The following NSMCE2 variants were observed in gnomAD, a reference collection of about 807,000 sequenced individuals.
The protein encoded by NSMCE2 is E3 SUMO-protein ligase NSE2.
NSMCE2 carries 24 observed loss-of-function variants against 23.8 expected under a neutral mutation model. The observed-to-expected ratio is 1.01, with a 90% CI of 0.73 to 1.42. The LOEUF is 1.42. Ranked by LOEUF, NSMCE2 falls within the 40% of genes most tolerant of loss-of-function variation. NSMCE2 has a pLI of 0.00. For synonymous variants in NSMCE2, 92 were observed against 94.1 expected, an observed-to-expected ratio of 0.98 and a Z score of 0.13; for missense variants, 284 against 296.5, an observed-to-expected ratio of 0.96 and a Z score of 0.31.
chr8:125,166,559 G>A (rs963450683), intron 4 of NSMCE2, among the ~76,000 whole-genome samples: 5 of 152,168 alleles, frequency 3.3e-5, no homozygotes, highest in African/African-American at 9.7e-5. Flanking sequence ...GAGCCACCGC[G>A]CCTGGCCCTA....
At chr8:125,294,284 A>G (rs1828236544) in intron 5 of NSMCE2, among the ~76,000 whole-genome samples, 1 of 152,068 alleles carries the variant, frequency 6.6e-6, no homozygotes, top group Non-Finnish European at 1.5e-5. Context: ...TACAGTGGAC[A>G]TTTGTTTTTA....
chr8:125,095,558 A>C (rs1439141311), intron 1 of NSMCE2, among the ~76,000 whole-genome samples: 1 of 152,058 alleles, frequency 6.6e-6, no homozygotes, highest in Non-Finnish European at 1.5e-5. Flanking sequence ...ATGTCACTGC[A>C]CTCCAGCCTG....
intron 4 of NSMCE2, among the ~76,000 whole-genome samples, chr8:125,178,002 CCT>C (rs1293874402): frequency 6.6e-6 from 1 of 152,178 alleles, no homozygotes; most frequent in Non-Finnish European, 1.5e-5. Flanking sequence ...CTCTTGTCTT[CCT>C]CTCACAACAA....
At chr8:125,163,465 T>C (rs1821724553) in intron 4 of NSMCE2, among the ~76,000 whole-genome samples, 1 of 152,232 alleles carries the variant, frequency 6.6e-6, no homozygotes, top group Non-Finnish European at 1.5e-5. Flanking sequence ...ATCCATGTTC[T>C]ACCAGGCTGT....
Position 125,123,608 on chromosome 8 carries a change from A to G in NSMCE2, c.157+21121A>G, listed in dbSNP as rs1379526754. Among the ~76,000 whole-genome samples the G allele has an allele frequency of 2.0e-5, 3 of 151,950 alleles. 1 individual carries two copies. The highest frequency in any genetic ancestry group is 4.4e-5 in the Non-Finnish European group (3 of 67,956). On this transcript the variant is annotated intron_variant, in intron 3 of 7. Coordinates refer to ENST00000287437, the MANE Select transcript of NSMCE2 (RefSeq NM_173685.4). ...TGTGTACATGCGCACACGCACACAA[A>G]CACACACACACAAGTGTGCATCTTG... is the stretch of plus-strand genomic sequence containing the variant.
chr8:125,111,996 G>A (rs1429975722), intron 3 of NSMCE2, among the ~76,000 whole-genome samples: 1 of 152,032 alleles, frequency 6.6e-6, no homozygotes, highest in Non-Finnish European at 1.5e-5. Flanking sequence ...TTTTGACCTT[G>A]TTCCTGTCTT....
intron 5 of NSMCE2, among the ~76,000 whole-genome samples, chr8:125,186,443 G>A (rs1318153521): frequency 6.6e-6 from 1 of 151,946 alleles, no homozygotes; most frequent in Non-Finnish European, 1.5e-5. Context: ...TTTGTCTCAA[G>A]TACATTCAGA....
intron 4 of NSMCE2, among the ~76,000 whole-genome samples, chr8:125,168,431 T>C (rs1451755207): frequency 1.3e-5 from 2 of 152,226 alleles, no homozygotes; most frequent in Non-Finnish European, 2.9e-5. Context: ...TCATTTGGCC[T>C]ACTGTAATGG....
intron 7 of NSMCE2, 118 bp downstream of exon 7, chr8:125,357,936 G>A (rs890012416): frequency 3.5e-5 from 24 of 693,150 alleles, no homozygotes; most frequent in Non-Finnish European, 3.6e-5. Context: ...TTCACCTCCC[G>A]AATACTGTAA....
At chr8:125,188,139 G>A (rs185615411) in intron 5 of NSMCE2, among the ~76,000 whole-genome samples, 80 of 152,200 alleles carry the variant, frequency 5.3e-4, no homozygotes, top group African/African-American at 1.9e-3. Context: ...AGGAGGGAGC[G>A]GCCATTCACT....
rs1356753233 is a variant in NSMCE2 at position 125,129,572 on chromosome 8, G to C, written c.158-21599G>C. Among the ~76,000 whole-genome samples the C allele has an allele frequency of 3.3e-5, 5 of 151,752 alleles. No individual in the cohort carries two copies. The South Asian group carries it at 8.3e-4, about 25-fold the overall frequency. On this transcript the variant is annotated intron_variant, in intron 3 of 7. Transcript: ENST00000287437. ...TGTGTGTGTGTGTGTGTGTGTGTGT[G>C]TGTGTGTCTGTGTGTTTCATTGATA...
intron 5 of NSMCE2, among the ~76,000 whole-genome samples, chr8:125,314,159 A>G (rs561003941): frequency 6.6e-6 from 1 of 152,210 alleles, no homozygotes; most frequent in African/African-American, 2.4e-5. Flanking sequence ...GCTTAAGTGG[A>G]TATCTAAGCA....
intron 3 of NSMCE2, among the ~76,000 whole-genome samples, chr8:125,106,578 A>G (rs1231541762): frequency 6.6e-6 from 1 of 151,780 alleles, no homozygotes; most frequent in Non-Finnish European, 1.5e-5. Context: ...CTCAGGACTC[A>G]GGAGGCTGAG....
intron 5 of NSMCE2, among the ~76,000 whole-genome samples, chr8:125,273,342 T>C (rs1458872354): frequency 6.6e-6 from 1 of 152,232 alleles, no homozygotes; most frequent in East Asian, 1.9e-4. Context: ...CAGTAAACTT[T>C]TTATATTTGT....
chr8:125,133,826 G>C (rs1166592715), intron 3 of NSMCE2, among the ~76,000 whole-genome samples: 2 of 152,034 alleles, frequency 1.3e-5, no homozygotes, highest in Non-Finnish European at 2.9e-5. Context: ...AAATCAGAAA[G>C]AGTCTCAGAG....
At chr8:125,347,280 C>T (rs902249802) in intron 5 of NSMCE2, among the ~76,000 whole-genome samples, 6 of 152,152 alleles carry the variant, frequency 3.9e-5, no homozygotes, top group African/African-American at 1.4e-4. Context: ...TTTCCAGAGC[C>T]CATGTTCCTA....
intron 5 of NSMCE2, among the ~76,000 whole-genome samples, chr8:125,265,044 T>A (rs181536925): frequency 6.6e-6 from 1 of 152,130 alleles, no homozygotes; most frequent in East Asian, 1.9e-4. Flanking sequence ...TCAAGTAATA[T>A]TTTATGTAGT....
intron 5 of NSMCE2, among the ~76,000 whole-genome samples, chr8:125,314,719 A>T (rs1829109519): frequency 6.6e-6 from 1 of 152,184 alleles, no homozygotes; most frequent in African/African-American, 2.4e-5. Context: ...TTCTTTCTTG[A>T]TGTAAATACT....
intron 5 of NSMCE2, among the ~76,000 whole-genome samples, chr8:125,192,545 G>T (rs892186918): frequency 6.6e-6 from 1 of 152,020 alleles, no homozygotes; most frequent in East Asian, 1.9e-4. Context: ...AAAAAACTGC[G>T]TATAGAAATT....
Sources: allele counts gnomAD v4.1 joint callset (sites outside exome capture counted in the v4.1 genomes callset), GRCh38; gene constraint gnomAD v4.1.1; transcripts MANE v1.5; gene names NCBI Gene and HGNC (gene_info 2026-07-23, HGNC 2026-07-21).